CLEC16A: variants seen among roughly 807,000 people sequenced by gnomAD.
The protein encoded by CLEC16A is protein CLEC16A.
CLEC16A carries 51 observed loss-of-function variants against 109.5 expected under a neutral mutation model. The ratio of observed to expected loss-of-function variants is 0.47; its 90% CI spans 0.37 to 0.59. The LOEUF (loss-of-function observed/expected upper bound fraction) is 0.59, where lower values mean the gene tolerates loss of function less well. CLEC16A is among the 20% of genes least tolerant of loss of function. CLEC16A has a pLI of 0.00. For synonymous variants in CLEC16A, 673 were observed against 564.2 expected (o/e 1.19, Z -2.73); for missense variants, 1,339 against 1,394.0 (o/e 0.96, Z 0.63).
At chr16:11,176,278 T>C (rs1423000556) in intron 23 of CLEC16A, among the ~76,000 whole-genome samples, 1 of 152,224 alleles carries the variant, frequency 6.6e-6, no homozygotes, top group Non-Finnish European at 1.5e-5. Flanking sequence ...GCATGTAGTG[T>C]TTACTCAGCA....
intron 21 of CLEC16A, among the ~76,000 whole-genome samples, chr16:11,125,380 G>A (rs1009996362): frequency 1.3e-5 from 2 of 151,612 alleles, no homozygotes; most frequent in African/African-American, 4.9e-5. Flanking sequence ...TGAGAATTAT[G>A]CTGTAAAGTG....
chr16:11,099,270 T>C (rs1358291591), intron 19 of CLEC16A, among the ~76,000 whole-genome samples: 1 of 152,200 alleles, frequency 6.6e-6, no homozygotes. Context: ...TCCCACACAG[T>C]GGACAGGGTC....
intron 19 of CLEC16A, among the ~76,000 whole-genome samples, chr16:11,089,710 C>T (rs1393712828): frequency 5.3e-5 from 8 of 152,188 alleles, no homozygotes; most frequent in Non-Finnish European, 1.2e-4. Flanking sequence ...GAATTCTTCC[C>T]ATATATCCCA....
At chr16:10,999,936 G>T (rs914192455) in intron 10 of CLEC16A, among the ~76,000 whole-genome samples, 1 of 152,074 alleles carries the variant, frequency 6.6e-6, no homozygotes, top group East Asian at 1.9e-4. Flanking sequence ...TCCCAGGTTC[G>T]ATCGATTCTC....
intron 11 of CLEC16A, among the ~76,000 whole-genome samples, chr16:11,019,778 A>T (rs895399474): frequency 6.6e-6 from 1 of 152,108 alleles, no homozygotes; most frequent in Non-Finnish European, 1.5e-5. Context: ...TCAAAAAAAA[A>T]AAAAAAAAAA....
At chr16:11,085,950 C>T (rs970598871) in intron 19 of CLEC16A, among the ~76,000 whole-genome samples, 3 of 152,208 alleles carry the variant, frequency 2.0e-5, no homozygotes, top group Non-Finnish European at 4.4e-5. Context: ...ATATCAGTAC[C>T]TGTGGGAAGT....
At chr16:10,993,209 C>T (rs1310939687) in intron 10 of CLEC16A, among the ~76,000 whole-genome samples, 1 of 151,952 alleles carries the variant, frequency 6.6e-6, no homozygotes, top group Non-Finnish European at 1.5e-5. Context: ...AAGACCCTGT[C>T]TCTTCAAAAA....
At chr16:10,985,851 A>T (rs531496281) in intron 10 of CLEC16A, among the ~76,000 whole-genome samples, 7 of 124,802 alleles carry the variant, frequency 5.6e-5, no homozygotes, top group African/African-American at 2.1e-4. Flanking sequence ...GATTACAGGC[A>T]TGTGCCACCA....
At chr16:10,997,575 G>A (rs1182414981) in intron 10 of CLEC16A, among the ~76,000 whole-genome samples, 4 of 152,138 alleles carry the variant, frequency 2.6e-5, no homozygotes, top group Non-Finnish European at 4.4e-5. Flanking sequence ...GCATTAATGC[G>A]TTTTGTAAAG....
chr16:10,978,881 G>A (rs978323528), intron 8 of CLEC16A, among the ~76,000 whole-genome samples: 4 of 152,202 alleles, frequency 2.6e-5, no homozygotes, highest in Admixed American at 2.6e-4. Flanking sequence ...CAGGGTGGGT[G>A]TGAAATGGAG....
At position 11,101,563 on chromosome 16, in the gene CLEC16A, C is replaced by G. The variant is rs115861511; in HGVS notation, c.2117-19052C>G. 4.8e-3 allele frequency among the ~76,000 whole-genome samples: 727 copies of G among 152,310 alleles called. 5 individuals are homozygous for G. The highest frequency in any genetic ancestry group is 0.031 in the Middle Eastern group (9 of 294). The stretch of plus-strand genomic sequence containing the variant: ...AGGGACTGAGCCTTTTATCTTGTCT[C>G]TCCAACACCTTGGATGTCCAAGGTA... On this transcript the variant is annotated intron_variant, in intron 19 of 23. Coordinates refer to ENST00000409790, the MANE Select transcript of CLEC16A (RefSeq NM_015226.3).
At chr16:11,060,500 G>A (rs1452055683) in intron 18 of CLEC16A, among the ~76,000 whole-genome samples, 5 of 152,216 alleles carry the variant, frequency 3.3e-5, no homozygotes, top group Non-Finnish European at 7.3e-5. Flanking sequence ...ACAGACTCAG[G>A]GTCTAGCCCT....
At chr16:11,131,340 T>C (rs1057289684) in intron 22 of CLEC16A, among the ~76,000 whole-genome samples, 2 of 152,196 alleles carry the variant, frequency 1.3e-5, no homozygotes, top group African/African-American at 4.8e-5. Context: ...ACCCTTTCCA[T>C]AAACTCCAAG....
intron 11 of CLEC16A, among the ~76,000 whole-genome samples, chr16:11,015,873 C>T (rs1292775732): frequency 6.6e-6 from 1 of 152,184 alleles, no homozygotes; most frequent in Non-Finnish European, 1.5e-5. Flanking sequence ...GGAGAACTTG[C>T]AGCTGTAGGG....
intron 13 of CLEC16A, among the ~76,000 whole-genome samples, chr16:11,035,706 C>G (rs1001988471): frequency 6.6e-6 from 1 of 152,254 alleles, no homozygotes; most frequent in Non-Finnish European, 1.5e-5. Context: ...ACCATTTCTT[C>G]AGAGCTTACC....
intron 19 of CLEC16A, among the ~76,000 whole-genome samples, chr16:11,094,215 C>T (rs1025496248): frequency 3.3e-5 from 5 of 152,166 alleles, no homozygotes; most frequent in African/African-American, 2.4e-5. Context: ...CTTGCTGTGT[C>T]ACCTTCAGGT....
intron 9 of CLEC16A, among the ~76,000 whole-genome samples, chr16:10,981,352 T>C (rs2043311529): frequency 6.6e-6 from 1 of 152,176 alleles, no homozygotes; most frequent in African/African-American, 2.4e-5. Context: ...ATTGCTAACA[T>C]TTAAGGGCCT....
At chr16:11,121,262 C>G (rs1308549680) in intron 20 of CLEC16A, among the ~76,000 whole-genome samples, 3 of 152,188 alleles carry the variant, frequency 2.0e-5, no homozygotes, top group Non-Finnish European at 4.4e-5. Flanking sequence ...GTGACTATAG[C>G]AAGGCATACT....
At chr16:11,039,676 C>G (rs1206973045) in intron 13 of CLEC16A, 78 bp from the exon 14 acceptor site, 25 of 1,449,478 alleles carry the variant, frequency 1.7e-5, no homozygotes, top group South Asian at 4.3e-5. Context: ...TGAGGAAACC[C>G]CACTCTACAG....
Sources: allele counts gnomAD v4.1 joint callset (sites outside exome capture counted in the v4.1 genomes callset), GRCh38; gene constraint gnomAD v4.1.1; transcripts MANE v1.5; gene names NCBI Gene and HGNC (gene_info 2026-07-23, HGNC 2026-07-21).